Variants in ZSCAN18 observed in about 807,000 individuals in gnomAD.
The protein encoded by ZSCAN18 is zinc finger and SCAN domain containing 18.
Under a neutral mutation model 31.1 loss-of-function variants are expected in ZSCAN18, and 16 were observed. That is an observed-to-expected ratio of 0.51 (90% CI 0.35 to 0.78). The LOEUF (loss-of-function observed/expected upper bound fraction) is 0.78. Among genes scored for constraint, ZSCAN18 ranks in the 30% least tolerant of loss-of-function variants. The probability of loss-of-function intolerance (pLI) is 0.01; values close to 1 mark genes in which losing one functional copy is unlikely to be tolerated. For missense variants in ZSCAN18, 731 were observed against 697.4 expected (o/e 1.05, Z -0.54); for synonymous variants, 375 against 320.7 (o/e 1.17, Z -1.81).
At chr19:58,101,863 C>T (rs1373843102), upstream of ZSCAN18, among the ~76,000 whole-genome samples, 1 of 151,840 alleles carries the variant, frequency 6.6e-6, no homozygotes, top group Non-Finnish European at 1.5e-5. Context: ...CACTCCTAAC[C>T]ATGCTGCTAA....
chr19:58,084,630 G>A lies in ZSCAN18; in HGVS notation c.*55C>T. ...GGGGCGTGGAAAGGCCCAATGCCTC[G>A]TCTGGGATTCACGGCCGGCAAAGCG... On this transcript the variant is annotated 3_prime_UTR_variant, in exon 7 of 7. Coordinates refer to ENST00000601144, the MANE Select transcript of ZSCAN18 (RefSeq NM_001145543.2). The surrounding 1 kb of genome is among the most constrained non-coding windows in gnomAD (Gnocchi z 4.5). 3 of 1,416,580 alleles carry A rather than the reference G, an allele frequency of 2.1e-6. No homozygotes were observed. The highest frequency in any genetic ancestry group is 2.8e-6 in the Non-Finnish European group (3 of 1,084,906). The allele number at this position is 1,416,580 out of a possible 1,614,324, so 87.8% of individuals were successfully genotyped here.
chr19:58,087,016 AT>A lies in ZSCAN18; in HGVS notation c.643-9del. 6.2e-7 allele frequency: 1 copy of A among 1,610,164 alleles called. No individual in the cohort carries two copies. Among genetic ancestry groups the A allele is most frequent in the Non-Finnish European group, 8.5e-7 (1 of 1,177,210 alleles). On this transcript the variant is annotated splice_polypyrimidine_tract_variant and intron_variant, in intron 4 of 6. Coordinates refer to ENST00000601144, the MANE Select transcript of ZSCAN18 (RefSeq NM_001145543.2). ...TGGAAAGGACTTCAGCTTCTGAAAC[AT>A]TAGTCGTGGCTGAGACCTCCCACCT...
upstream of ZSCAN18, among the ~76,000 whole-genome samples, chr19:58,099,372 T>C (rs1599997391): frequency 2.6e-5 from 4 of 152,288 alleles, no homozygotes; most frequent in South Asian, 8.3e-4. Flanking sequence ...CCTCTTCAGA[T>C]TGGCTTTTTC....
chr19:58,090,070 G>A lies in ZSCAN18; in HGVS notation c.198C>T (p.Thr66=). ...VYQEAAGPHQ[T]LARLHELCRQ... Reference sequence around the variant, plus strand: ...GGCACAGCTCATGCAGCCGGGCCAGGGTCTGGTGGGGCCCGGCAGCCTCCT... The same window carrying A: ...GGCACAGCTCATGCAGCCGGGCCAGAGTCTGGTGGGGCCCGGCAGCCTCCT... The change falls in exon 2 of 7, where the codon ACC becomes ACT. Residue 66 remains threonine, a synonymous_variant. Coordinates refer to ENST00000601144, the MANE Select transcript of ZSCAN18 (RefSeq NM_001145543.2). This position sits in a 1 kb window ranked among gnomAD's most constrained non-coding sequence, Gnocchi z 4.7. 1 of 1,613,838 alleles carries A rather than the reference G, an allele frequency of 6.2e-7. No homozygotes were observed. The highest frequency in any genetic ancestry group is 8.5e-7 in the Non-Finnish European group (1 of 1,179,932).
rs1218748099 is a variant in ZSCAN18, at chr19:58,084,785, T to G, written c.1433A>C (p.Gln478Pro). 1 of 1,577,982 alleles carries G rather than the reference T, an allele frequency of 6.3e-7. No homozygotes were observed. Among genetic ancestry groups the G allele is most frequent in the South Asian group, 1.1e-5 (1 of 87,764 alleles). The change falls in exon 7 of 7, where the codon CAA becomes CCA. Residue 478 changes from glutamine to proline, a missense_variant. By Grantham distance (76) the Gln-to-Pro change is moderately conservative. Coordinates refer to ENST00000601144, the MANE Select transcript of ZSCAN18 (RefSeq NM_001145543.2). This position sits in a 1 kb window ranked among gnomAD's most constrained non-coding sequence, Gnocchi z 4.5. Reference protein sequence around the residue: ...SYALGGARGPQPSTREAQAGA... With the variant: ...SYALGGARGPPPSTREAQAGA... ...CGCCTGGGCTTCGCGGGTGGACGGTTGGGGGCCCCGGGCGCCCCCCAGCGC... is the reference window on the plus strand; with the variant it reads ...CGCCTGGGCTTCGCGGGTGGACGGTGGGGGGCCCCGGGCGCCCCCCAGCGC...
rs1468448633 is a variant in ZSCAN18 at position 58,090,682 on chromosome 19, C to T, written c.-119-296G>A. 2.9e-5 allele frequency: 7 copies of T among 243,848 alleles called. No individual in the cohort carries two copies. Among genetic ancestry groups the T allele is most frequent in the African/African-American group, 4.5e-5 (2 of 44,324 alleles). The allele number at this position is 243,848 out of a possible 1,614,324, so 15.1% of individuals were successfully genotyped here. ...TCGGCTCAATGCAACCTCTACCTCC[C>T]GGGTTCAAGCGAGTCTCCTGCCTCA... On this transcript the variant is annotated intron_variant, in intron 1 of 6. Coordinates refer to ENST00000601144, the MANE Select transcript of ZSCAN18 (RefSeq NM_001145543.2). This position sits in a 1 kb window ranked among gnomAD's most constrained non-coding sequence, Gnocchi z 4.7.
At chr19:58,086,600 T>G (rs2074285525) in intron 5 of ZSCAN18, 1 of 480,372 alleles carries the variant, frequency 2.1e-6, no homozygotes, top group South Asian at 3.4e-5. Context: ...AGACCCTTGA[T>G]CAGGCCATGC....
At chr19:58,108,307 C>A in intron 1 of ZSCAN18, 4 of 985,438 alleles carry the variant, frequency 4.1e-6, no homozygotes, top group Non-Finnish European at 4.8e-6. Flanking sequence ...AGGTTGGAGA[C>A]ATCAGAAAAG....
At chr19:58,106,365 G>A (rs1287582515) in intron 1 of ZSCAN18, among the ~76,000 whole-genome samples, 2 of 152,144 alleles carry the variant, frequency 1.3e-5, no homozygotes, top group Non-Finnish European at 2.9e-5. Flanking sequence ...TTGCAGCACT[G>A]CACTCCAACC....
intron 1 of ZSCAN18, among the ~76,000 whole-genome samples, chr19:58,116,640 C>T (rs951354070): frequency 2.6e-5 from 4 of 152,140 alleles, no homozygotes; most frequent in African/African-American, 9.7e-5. Flanking sequence ...AGCTAGGGCA[C>T]GGAATTTCAC....
intron 1 of ZSCAN18, among the ~76,000 whole-genome samples, chr19:58,114,187 G>C (rs374707012): frequency 1.3e-5 from 2 of 152,110 alleles, no homozygotes; most frequent in Non-Finnish European, 1.5e-5. Context: ...AGAATCACTT[G>C]AACCTGGGAG....
intron 1 of ZSCAN18, chr19:58,109,012 G>A: frequency 1.2e-5 from 14 of 1,210,234 alleles, no homozygotes; most frequent in Admixed American, 4.3e-5. Flanking sequence ...GAAACCTGTT[G>A]TTTGAGGACC....
chr19:58,086,847 C>A, intron 5 of ZSCAN18, 59 bp downstream of exon 5: 23 of 1,391,692 alleles, frequency 1.7e-5, no homozygotes, highest in Non-Finnish European at 2.3e-5. Context: ...GTCTCCTGCA[C>A]CAACCCCTGC....
chr19:58,102,934 C>A (rs954208468), upstream of ZSCAN18, among the ~76,000 whole-genome samples: 2 of 152,046 alleles, frequency 1.3e-5, no homozygotes, highest in African/African-American at 4.8e-5. Flanking sequence ...GAGTTCAAGA[C>A]CAGCCTGGCA....
At chr19:58,108,404 C>A in intron 1 of ZSCAN18, 1 of 985,456 alleles carries the variant, frequency 1.0e-6, no homozygotes, top group South Asian at 4.7e-5. Context: ...AGCTGAAGGT[C>A]TTCCCATACC....
At position 58,090,521 on chromosome 19, in the gene ZSCAN18, A is replaced by C; in HGVS notation, c.-119-135T>G. 3 of 741,168 alleles carry C rather than the reference A, an allele frequency of 4.0e-6. No individual in the cohort carries two copies. The highest frequency in any genetic ancestry group is 6.5e-6 in the Non-Finnish European group (3 of 464,256). The allele number at this position is 741,168 out of a possible 1,614,324, so 45.9% of individuals were successfully genotyped here. On this transcript the variant is annotated intron_variant, in intron 1 of 6. Coordinates refer to ENST00000601144, the MANE Select transcript of ZSCAN18 (RefSeq NM_001145543.2). This position sits in a 1 kb window ranked among gnomAD's most constrained non-coding sequence, Gnocchi z 4.7. ...AACCCGCTTGTTAGGCATCAGTAGA[A>C]CCTCAGTGTTGTACTCATGTAGATA... is the stretch of plus-strand genomic sequence containing the variant.
In ZSCAN18 at chr19:58,084,258, G is replaced by C. The variant is rs1377376871; in HGVS notation, c.*427C>G. On this transcript the variant is annotated 3_prime_UTR_variant, in exon 7 of 7. Transcript: ENST00000601144. The surrounding 1 kb of genome is among the most constrained non-coding windows in gnomAD (Gnocchi z 4.5). The stretch of plus-strand genomic sequence containing the variant: ...TTGACATCACGCCAAGTACGAAAAG[G>C]CTAAACAGCTGACAAAATTTCCACT... 1.8e-5 allele frequency: 3 copies of C among 162,868 alleles called. No homozygotes were observed. Among genetic ancestry groups the C allele is most frequent in the Non-Finnish European group, 4.0e-5 (3 of 75,506 alleles). 10.1% of individuals were successfully genotyped at this position (162,868 alleles called of 1,614,324 possible).
chr19:58,087,109 C>T, intron 4 of ZSCAN18, 101 bp from the exon 5 acceptor site: 1 of 1,113,536 alleles, frequency 9.0e-7, no homozygotes, highest in Admixed American at 2.3e-5. Flanking sequence ...CCAGCCCTGG[C>T]CAGGGACTCT....
chr19:58,098,231 C>T lies in ZSCAN18; in HGVS notation c.-177G>A. On this transcript the variant is annotated 5_prime_UTR_variant, in exon 1 of 7. Transcript: ENST00000601144. ...CGCCCGGAGCCCCAGTGCGCGATGG[C>T]GGCCGGCAAACTGCGCCTGCGCACT... 1.0e-6 allele frequency: 1 copy of T among 985,516 alleles called. No individual in the cohort carries two copies. The highest frequency in any genetic ancestry group is 1.2e-6 in the Non-Finnish European group (1 of 829,990). 61.0% of individuals were successfully genotyped at this position (985,516 alleles called of 1,614,324 possible).
Sources: allele counts gnomAD v4.1 joint callset (sites outside exome capture counted in the v4.1 genomes callset), GRCh38; gene constraint gnomAD v4.1.1; non-coding constraint Gnocchi (gnomAD v3.1); transcripts MANE v1.5; gene names NCBI Gene and HGNC (gene_info 2026-07-23, HGNC 2026-07-21).